Variants in PPP1R9A observed in about 807,000 individuals in gnomAD.
PPP1R9A encodes the protein neurabin-1.
PPP1R9A carries 59 observed loss-of-function variants against 141.9 expected under a neutral mutation model. The ratio of observed to expected loss-of-function variants is 0.42; its 90% CI spans 0.34 to 0.52. The LOEUF is 0.52. Among genes scored for constraint, PPP1R9A ranks in the 20% least tolerant of loss-of-function variants. The pLI, the probability that PPP1R9A is intolerant of heterozygous loss-of-function variation, is 0.10. For synonymous variants in PPP1R9A, 500 were observed against 569.7 expected (o/e 0.88, Z 1.74); for missense variants, 1,444 against 1,611.9 (o/e 0.90, Z 1.78).
chr7:95,268,556 A>G lies in PPP1R9A; in HGVS notation c.2672A>G (p.Asn891Ser). 6.2e-7 allele frequency: 1 copy of G among 1,613,190 alleles called. No homozygotes were observed. The highest frequency in any genetic ancestry group is 8.5e-7 in the Non-Finnish European group (1 of 1,179,366). ...TATCTTTCAATATTCTTAGACTTGA[A>G]TGAAGCAGTCCCAGAGACAGAGCGC... ...SCQDGLSQDL[N>S]EAVPETERLD... Residue 891 changes from asparagine to serine, a missense_variant, in exon 13 of 20, where the codon AAT becomes AGT. By Grantham distance (46) the Asn-to-Ser change is conservative (BLOSUM62 1). This residue lies in a region of PPP1R9A where 488 missense variants were observed against 542.0 expected (regional missense o/e 0.90). Transcript: ENST00000433360.
At chr7:95,240,746 TCTTTA>T (rs1460538373) in intron 8 of PPP1R9A, among the ~76,000 whole-genome samples, 1 of 152,192 alleles carries the variant, frequency 6.6e-6, no homozygotes, top group Non-Finnish European at 1.5e-5. Flanking sequence ...TTCTCGCTTT[TCTTTA>T]CTTTCTCTTC....
chr7:95,236,341 A>C (rs1796678726), intron 8 of PPP1R9A, among the ~76,000 whole-genome samples: 1 of 152,112 alleles, frequency 6.6e-6, no homozygotes, highest in Admixed American at 6.6e-5. Context: ...GACAGAAACC[A>C]CAATTACTTT....
At chr7:94,917,305 C>T (rs1247276231) in intron 2 of PPP1R9A, among the ~76,000 whole-genome samples, 1 of 152,100 alleles carries the variant, frequency 6.6e-6, no homozygotes, top group East Asian at 1.9e-4. Context: ...GAACAGTGAT[C>T]ATTTAGTGTT....
intron 2 of PPP1R9A, among the ~76,000 whole-genome samples, chr7:94,942,047 G>T (rs1285459408): frequency 2.0e-5 from 3 of 151,940 alleles, no homozygotes. Context: ...AATATATAGT[G>T]CTGACTCAGA....
chr7:95,024,896 T>A (rs531457417), intron 2 of PPP1R9A, among the ~76,000 whole-genome samples: 2 of 152,254 alleles, frequency 1.3e-5, no homozygotes, highest in South Asian at 4.2e-4. Context: ...ATTTGGTATG[T>A]TTTTGCAGTG....
At chr7:95,066,691 G>A (rs1812993614) in intron 2 of PPP1R9A, among the ~76,000 whole-genome samples, 1 of 152,050 alleles carries the variant, frequency 6.6e-6, no homozygotes. Flanking sequence ...GAGAATAGGA[G>A]AGAAAAATTA....
chr7:94,960,852 A>C (rs2151120230), intron 2 of PPP1R9A, among the ~76,000 whole-genome samples: 1 of 151,754 alleles, frequency 6.6e-6, no homozygotes, highest in East Asian at 1.9e-4. Flanking sequence ...CATTTAAAAG[A>C]TGTTTCTTGT....
chr7:95,049,841 G>A (rs1254630118), intron 2 of PPP1R9A, among the ~76,000 whole-genome samples: 1 of 152,092 alleles, frequency 6.6e-6, no homozygotes, highest in Non-Finnish European at 1.5e-5. Flanking sequence ...GTCTTTTCAT[G>A]GCTTGATAGA....
chr7:95,144,475 A>G (rs1025744757), intron 4 of PPP1R9A, among the ~76,000 whole-genome samples: 2 of 152,104 alleles, frequency 1.3e-5, no homozygotes, highest in Non-Finnish European at 2.9e-5. Context: ...TACTGATTCC[A>G]CATAGTGATT....
chr7:95,199,574 T>C lies in PPP1R9A; in HGVS notation c.1890+1090T>C, dbSNP rs560227528. On this transcript the variant is annotated intron_variant, in intron 6 of 19. Transcript: ENST00000433360. Reference sequence around the variant, plus strand: ...ATAATGAGGATATATTCTCCACTTATAGCAGAAAATTAGAGGTGGTATATC... The same window carrying C: ...ATAATGAGGATATATTCTCCACTTACAGCAGAAAATTAGAGGTGGTATATC... Among the ~76,000 whole-genome samples, 7 of 152,316 alleles carry C rather than the reference T, an allele frequency of 4.6e-5. No individual in the cohort carries two copies. The East Asian group carries it at 7.7e-4, about 17-fold the overall frequency.
chr7:95,229,323 T>C (rs1008729763), intron 8 of PPP1R9A, among the ~76,000 whole-genome samples: 1 of 151,926 alleles, frequency 6.6e-6, no homozygotes, highest in Non-Finnish European at 1.5e-5. Flanking sequence ...CAAAAAAGTG[T>C]GAGTCTGCTT....
At chr7:95,243,728 G>C (rs1007373059) in intron 8 of PPP1R9A, among the ~76,000 whole-genome samples, 1 of 152,114 alleles carries the variant, frequency 6.6e-6, no homozygotes, top group Admixed American at 6.6e-5. Flanking sequence ...TTGAAAAGGT[G>C]TGTGACTTCC....
At chr7:95,253,326 C>T (rs1295895949) in intron 12 of PPP1R9A, among the ~76,000 whole-genome samples, 1 of 152,146 alleles carries the variant, frequency 6.6e-6, no homozygotes, top group African/African-American at 2.4e-5. Flanking sequence ...AAACTGTCTC[C>T]AGTGAAGTTT....
chr7:95,043,806 A>G (rs1238756296), intron 2 of PPP1R9A, among the ~76,000 whole-genome samples: 1 of 152,178 alleles, frequency 6.6e-6, no homozygotes, highest in African/African-American at 2.4e-5. Flanking sequence ...AAATTCCTCT[A>G]ACGATAAACT....
At chr7:95,180,474 T>C (rs1563368037) in intron 5 of PPP1R9A, among the ~76,000 whole-genome samples, 1 of 151,356 alleles carries the variant, frequency 6.6e-6, no homozygotes, top group Admixed American at 6.6e-5. Context: ...CAGTTTTGGG[T>C]TTCATGACCA....
At chr7:94,969,797 A>G (rs761500913) in intron 2 of PPP1R9A, among the ~76,000 whole-genome samples, 1 of 152,130 alleles carries the variant, frequency 6.6e-6, no homozygotes, top group Non-Finnish European at 1.5e-5. Context: ...AGTTTTATCT[A>G]TAAGCCTCTG....
intron 2 of PPP1R9A, among the ~76,000 whole-genome samples, chr7:94,916,718 G>T (rs1233088627): frequency 6.6e-6 from 1 of 152,000 alleles, no homozygotes; most frequent in Non-Finnish European, 1.5e-5. Flanking sequence ...TCATTCTTTT[G>T]CAAGTGTAAA....
At chr7:95,290,009 G>A (rs1419138575) in intron 19 of PPP1R9A, 82 bp from the exon 20 acceptor site, 6 of 1,551,262 alleles carry the variant, frequency 3.9e-6, no homozygotes, top group Middle Eastern at 1.7e-4. Context: ...ATTAGTTTAC[G>A]AACTTGGATA....
At chr7:95,241,277 A>G (rs1434668262) in intron 8 of PPP1R9A, among the ~76,000 whole-genome samples, 1 of 152,090 alleles carries the variant, frequency 6.6e-6, no homozygotes, top group Non-Finnish European at 1.5e-5. Context: ...TTGCTTTCTG[A>G]GCAAATATGG....
Sources: allele counts gnomAD v4.1 joint callset (sites outside exome capture counted in the v4.1 genomes callset), GRCh38; gene constraint gnomAD v4.1.1; regional missense constraint gnomAD v4.1.1; transcripts MANE v1.5; gene names NCBI Gene and HGNC (gene_info 2026-07-23, HGNC 2026-07-21).